The following SHQ1 variants were observed in gnomAD, a reference collection of about 807,000 sequenced individuals.
The protein encoded by SHQ1 is protein SHQ1 homolog.
In SHQ1, 49 loss-of-function variants were observed where a neutral mutation model predicts 53.8. The observed-to-expected ratio is 0.91, with a 90% confidence interval of 0.72 to 1.16. SHQ1 has a LOEUF of 1.16. Among genes scored for constraint, SHQ1 ranks in the 50% most tolerant of loss-of-function variants. SHQ1 has a pLI of 0.00. For synonymous variants in SHQ1, 243 were observed against 251.0 expected (o/e 0.97, Z 0.30); for missense variants, 738 against 683.1 (o/e 1.08, Z -0.90).
At chr3:72,792,794 A>AC in intron 10 of SHQ1, 122 bp downstream of exon 10, 2 of 685,846 alleles carry the variant, frequency 2.9e-6, no homozygotes, top group Non-Finnish European at 4.5e-6. Context: ...CAAAAAAAAA[A>AC]AAAAAAAAAA....
In SHQ1 at chr3:72,848,426, AG is replaced by A; in HGVS notation, c.-87del. On this transcript the variant is annotated 5_prime_UTR_variant, in exon 1 of 11. Transcript: ENST00000325599. The stretch of plus-strand genomic sequence containing the variant: ...GCAAACTCTCCAACTCCCCACGCGC[AG>A]GAACTCTCGGTGTGAGGGACGGAGC... 1 of 1,554,602 alleles carries A rather than the reference AG, an allele frequency of 6.4e-7. No homozygotes were observed. The highest frequency in any genetic ancestry group is 1.2e-5 in the South Asian group (1 of 85,218).
intron 4 of SHQ1, among the ~76,000 whole-genome samples, chr3:72,836,582 A>C (rs1294363299): frequency 1.3e-5 from 2 of 152,124 alleles, no homozygotes; most frequent in East Asian, 1.9e-4. Context: ...ACATGTACAC[A>C]GCAGAACATG....
chr3:72,738,371 G>A, the SHQ1 span, among the ~76,000 whole-genome samples: 1 of 152,186 alleles, frequency 6.6e-6, no homozygotes, highest in African/African-American at 2.4e-5. Context: ...TTGGTTCCAG[G>A]AAGGCCCTGT....
chr3:72,806,717 T>A (rs779094455), intron 9 of SHQ1, among the ~76,000 whole-genome samples: 10 of 152,172 alleles, frequency 6.6e-5, no homozygotes, highest in Admixed American at 1.3e-4. Flanking sequence ...ATGAACCTCC[T>A]CACATGGTTT....
At chr3:72,846,292 T>G in intron 1 of SHQ1, 1 of 1,528,982 alleles carries the variant, frequency 6.5e-7, no homozygotes, top group Non-Finnish European at 8.7e-7. Context: ...TAGCAAACTG[T>G]ATGTTCTTTT....
At position 72,817,208 on chromosome 3, in the gene SHQ1, A is replaced by G. The variant is rs765396539; in HGVS notation, c.882+22T>C. 2.5e-6 allele frequency: 4 copies of G among 1,603,518 alleles called. No homozygotes were observed. In the South Asian group the frequency reaches 4.5e-5, roughly 18 times the overall value. ...ACTCAGCACAGTCATCTATGGCAACATGCACACATACATGCACTTACATTC... is the reference window on the plus strand; with the variant it reads ...ACTCAGCACAGTCATCTATGGCAACGTGCACACATACATGCACTTACATTC... On this transcript the variant is annotated intron_variant, in intron 7 of 10. Coordinates refer to ENST00000325599, the MANE Select transcript of SHQ1 (RefSeq NM_018130.3).
the SHQ1 span, among the ~76,000 whole-genome samples, chr3:72,742,619 C>CTT: frequency 5.7e-3 from 730 of 128,598 alleles, 22 homozygotes; most frequent in African/African-American, 0.019. Flanking sequence ...TTCTTTTTTT[C>CTT]TTTTTTTTTT....
intron 5 of SHQ1, among the ~76,000 whole-genome samples, chr3:72,827,723 T>C (rs2106909879): frequency 6.6e-6 from 1 of 152,148 alleles, no homozygotes; most frequent in South Asian, 2.1e-4. Flanking sequence ...TGTCTGTTTT[T>C]TCATCTGAGA....
At chr3:72,808,632 G>A (rs1033221091) in intron 9 of SHQ1, among the ~76,000 whole-genome samples, 2 of 152,116 alleles carry the variant, frequency 1.3e-5, no homozygotes, top group South Asian at 2.1e-4. Flanking sequence ...GCTAACACAC[G>A]CAGCTGTGGT....
intron 1 of SHQ1, chr3:72,846,298 C>A: frequency 4.9e-6 from 7 of 1,423,722 alleles, no homozygotes; most frequent in Admixed American, 2.5e-5. Context: ...ACTGTATGTT[C>A]TTTTTTTTTT....
At chr3:72,728,042 C>A in the SHQ1 span, among the ~76,000 whole-genome samples, 1 of 152,180 alleles carries the variant, frequency 6.6e-6, no homozygotes, top group African/African-American at 2.4e-5. Context: ...CCCTACTGTT[C>A]CCCAGGGCTC....
the SHQ1 span, among the ~76,000 whole-genome samples, chr3:72,734,868 T>C: frequency 6.6e-6 from 1 of 151,564 alleles, no homozygotes; most frequent in East Asian, 1.9e-4. Context: ...GAATTCTACA[T>C]TTTCACAGAT....
At chr3:72,748,882 G>A (rs1341559804), downstream of SHQ1, among the ~76,000 whole-genome samples, 1 of 152,004 alleles carries the variant, frequency 6.6e-6, no homozygotes, top group Non-Finnish European at 1.5e-5. Context: ...TTGAACCTGG[G>A]AGGGTGAGGC....
At position 72,825,361 on chromosome 3, in the gene SHQ1, T is replaced by TACACACACACACAC. The variant is rs61048915; in HGVS notation, c.600-824_600-811dup. 3.0e-3 allele frequency among the ~76,000 whole-genome samples: 430 copies of TACACACACACACAC among 141,962 alleles called. 3 individuals carry two copies. The highest frequency in any genetic ancestry group is 0.011 in the African/African-American group (410 of 38,638). 93.1% of individuals were successfully genotyped at this position (141,962 alleles called of 152,430 possible). Reference sequence around the variant, plus strand: ...TCTCCACAAAGAGGCTAAAAGGGGCTACACACACACACACACACACACACA... The same window carrying TACACACACACACAC: ...TCTCCACAAAGAGGCTAAAAGGGGCTACACACACACACACACACACACACACACACACACACACA... On this transcript the variant is annotated intron_variant, in intron 5 of 10. Coordinates refer to ENST00000325599, the MANE Select transcript of SHQ1 (RefSeq NM_018130.3).
intron 10 of SHQ1, among the ~76,000 whole-genome samples, chr3:72,785,954 T>G (rs1222048322): frequency 6.6e-6 from 1 of 152,228 alleles, no homozygotes; most frequent in African/African-American, 2.4e-5. Flanking sequence ...TAAATCAACA[T>G]TTCCAAAACT....
At chr3:72,756,211 G>C (rs1284327740) in intron 10 of SHQ1, among the ~76,000 whole-genome samples, 1 of 151,966 alleles carries the variant, frequency 6.6e-6, no homozygotes, top group African/African-American at 2.4e-5. Context: ...GGTACATTTT[G>C]ATACTCTCAA....
the SHQ1 span, among the ~76,000 whole-genome samples, chr3:72,731,604 C>A: frequency 1.3e-5 from 2 of 150,966 alleles, no homozygotes; most frequent in Non-Finnish European, 2.9e-5. Flanking sequence ...AAGAGAATTG[C>A]TTGAACCCAG....
chr3:72,798,411 AT>A (rs1024673128), intron 9 of SHQ1, among the ~76,000 whole-genome samples: 1 of 152,214 alleles, frequency 6.6e-6, no homozygotes, highest in African/African-American at 2.4e-5. Context: ...GGTATTACAA[AT>A]GACAAGTGCC....
At chr3:72,725,709 G>A in the SHQ1 span, among the ~76,000 whole-genome samples, 3 of 152,182 alleles carry the variant, frequency 2.0e-5, no homozygotes, top group Non-Finnish European at 2.9e-5. Flanking sequence ...GAGGTACTCA[G>A]TAGATGCTTG....
Sources: gnomAD v4.1 joint callset for allele counts (sites outside exome capture counted in the v4.1 genomes callset) on GRCh38, gnomAD v4.1.1 for gene constraint, MANE v1.5 for transcripts, NCBI Gene and HGNC (gene_info 2026-07-23, HGNC 2026-07-21) for gene names.